Variants in CDS1 observed in about 807,000 individuals in gnomAD.
CDS1 encodes phosphatidate cytidylyltransferase 1.
In CDS1, 41 loss-of-function variants were observed where a neutral mutation model predicts 62.1. That is an observed-to-expected ratio of 0.66 (90% CI 0.51 to 0.86). The LOEUF is 0.86. CDS1 is among the 40% of genes least tolerant of loss of function. The pLI, the probability that CDS1 is intolerant of heterozygous loss-of-function variation, is 0.00. For synonymous variants in CDS1, 185 were observed against 192.6 expected, an observed-to-expected ratio of 0.96 and a Z score of 0.32; for missense variants, 470 against 550.1, an observed-to-expected ratio of 0.85 and a Z score of 1.46.
chr4:84,594,185 C>G (rs1391898251), intron 1 of CDS1, among the ~76,000 whole-genome samples: 3 of 152,036 alleles, frequency 2.0e-5, no homozygotes, highest in African/African-American at 7.2e-5. Flanking sequence ...CCATTTTTCT[C>G]TTGTTTAATT....
chr4:84,634,605 G>A (rs1724120585), intron 7 of CDS1, among the ~76,000 whole-genome samples: 1 of 151,930 alleles, frequency 6.6e-6, no homozygotes, highest in Admixed American at 6.6e-5. Flanking sequence ...AAGATAAATT[G>A]TATTCCCTTG....
intron 6 of CDS1, among the ~76,000 whole-genome samples, chr4:84,632,853 A>G (rs1483996639): frequency 6.6e-6 from 1 of 152,246 alleles, no homozygotes; most frequent in Non-Finnish European, 1.5e-5. Context: ...CCAAGCGCCG[A>G]TGGCTCATGC....
intron 1 of CDS1, among the ~76,000 whole-genome samples, chr4:84,600,716 A>G (rs890010426): frequency 5.3e-5 from 8 of 152,226 alleles, no homozygotes; most frequent in Admixed American, 2.6e-4. Flanking sequence ...AACAGGTAAT[A>G]TAAGTCCTTC....
intron 3 of CDS1, among the ~76,000 whole-genome samples, chr4:84,613,247 G>T (rs373049516): frequency 5.7e-4 from 86 of 152,138 alleles, no homozygotes; most frequent in African/African-American, 2.0e-3. Flanking sequence ...AGGACATGTT[G>T]TATCTAGCTT....
intron 8 of CDS1, among the ~76,000 whole-genome samples, chr4:84,637,291 TATTAGTTC>T (rs1176336209): frequency 2.6e-5 from 4 of 152,124 alleles, no homozygotes; most frequent in Non-Finnish European, 5.9e-5. Context: ...TGGGAAGCTG[TATTAGTTC>T]ATTCTCACAC....
At chr4:84,616,775 T>G (rs1379904262) in intron 3 of CDS1, among the ~76,000 whole-genome samples, 1 of 152,234 alleles carries the variant, frequency 6.6e-6, no homozygotes, top group Non-Finnish European at 1.5e-5. Context: ...TGATGCTACA[T>G]CTTGAGAAAT....
chr4:84,603,130 G>A (rs137875274), intron 1 of CDS1, among the ~76,000 whole-genome samples: 234 of 152,268 alleles, frequency 1.5e-3, no homozygotes, highest in African/African-American at 5.4e-3. Flanking sequence ...TCATTTTAGG[G>A]ATGAAGAAAC....
chr4:84,617,219 C>G (rs1391753131), intron 3 of CDS1, among the ~76,000 whole-genome samples: 1 of 152,142 alleles, frequency 6.6e-6, no homozygotes, highest in Non-Finnish European at 1.5e-5. Flanking sequence ...AAAAGATTCT[C>G]CATCTTGACA....
chr4:84,613,397 T>C (rs1402039846), intron 3 of CDS1, among the ~76,000 whole-genome samples: 1 of 151,894 alleles, frequency 6.6e-6, no homozygotes, highest in Non-Finnish European at 1.5e-5. Flanking sequence ...TTGCTTGAGG[T>C]CAGAAGTTCA....
Position 84,609,525 on chromosome 4 carries a change from T to G in CDS1, c.342T>G (p.Leu114=). 6.4e-7 allele frequency: 1 copy of G among 1,559,592 alleles called. No individual in the cohort carries two copies. The highest frequency in any genetic ancestry group is 8.8e-7 in the Non-Finnish European group (1 of 1,131,752). The stretch of plus-strand genomic sequence containing the variant: ...TGGGATCCTTCATGCTGATGCTTCT[T>G]GTAAGTTTTTGACTTTTCCCTGAGT... The part of the protein sequence containing the change: ...IYMGSFMLML[L]VLGIQVKCFH... Residue 114 remains leucine (L), a splice_region_variant and synonymous_variant, in exon 3 of 13, where the codon CTT becomes CTG. Transcript: ENST00000295887.
chr4:84,617,672 T>G lies in CDS1; in HGVS notation c.440+11T>G. The stretch of plus-strand genomic sequence containing the variant: ...TAGAACACTAAGTTGGTAAGTAAGC[T>G]TGAAACTATTTCAGATATGAAAAGT... On this transcript the variant is annotated intron_variant, in intron 4 of 12. Transcript: ENST00000295887. The G allele has an allele frequency of 7.9e-7, 1 of 1,263,596 alleles. No individual in the cohort carries two copies. 78.3% of individuals were successfully genotyped at this position (1,263,596 alleles called of 1,614,324 possible).
At chr4:84,595,579 G>A (rs1210819608) in intron 1 of CDS1, among the ~76,000 whole-genome samples, 1 of 152,038 alleles carries the variant, frequency 6.6e-6, no homozygotes, top group Non-Finnish European at 1.5e-5. Flanking sequence ...TTAAATTCAC[G>A]AATATGGAAC....
rs888210953 is a variant in CDS1, at chr4:84,648,787, G to A, written c.*101G>A. The A allele has an allele frequency of 7.6e-6, 9 of 1,187,902 alleles. No homozygotes were observed. In the African/African-American group the frequency reaches 7.7e-5, roughly 10 times the overall value. 73.6% of individuals were successfully genotyped at this position (1,187,902 alleles called of 1,614,324 possible). On this transcript the variant is annotated 3_prime_UTR_variant, in exon 13 of 13. Transcript: ENST00000295887. Reference sequence around the variant, plus strand: ...AGAAAAATAGTTAAAAATGCAATAGGTTGAAGTTTTGGAGATATGTTTCTC... The same window carrying A: ...AGAAAAATAGTTAAAAATGCAATAGATTGAAGTTTTGGAGATATGTTTCTC...
In CDS1 at chr4:84,604,368, A is replaced by G. The variant is rs1304815627; in HGVS notation, c.243A>G (p.Ser81=). The G allele has an allele frequency of 1.9e-6, 3 of 1,612,646 alleles. No individual in the cohort carries two copies. Among genetic ancestry groups the G allele is most frequent in the African/African-American group, 1.3e-5 (1 of 74,854 alleles). ...ILKKALSGLS[S]RWKNWWIRGI... ...AAAAAGCTCTATCTGGTTTATCTTC[A>G]AGGTATGATTGGATGAAGATGAGTA... Residue 81 remains serine (S), a splice_region_variant and synonymous_variant, in exon 2 of 13, where the codon TCA becomes TCG. Coordinates refer to ENST00000295887, the MANE Select transcript of CDS1 (RefSeq NM_001263.4).
intron 3 of CDS1, among the ~76,000 whole-genome samples, chr4:84,611,512 A>T (rs534581973): frequency 1.3e-5 from 2 of 152,136 alleles, no homozygotes. Flanking sequence ...TTATTTTATA[A>T]AAGAATAAGT....
chr4:84,607,248 A>T (rs1469805224), intron 2 of CDS1, among the ~76,000 whole-genome samples: 1 of 152,142 alleles, frequency 6.6e-6, no homozygotes, highest in African/African-American at 2.4e-5. Context: ...GGAAGTATTT[A>T]AACTATATTG....
chr4:84,595,619 G>A (rs1464968700), intron 1 of CDS1, among the ~76,000 whole-genome samples: 1 of 152,126 alleles, frequency 6.6e-6, no homozygotes, highest in Non-Finnish European at 1.5e-5. Flanking sequence ...AACCGTACTT[G>A]TTTCTCACTC....
At chr4:84,614,987 TGGTCTGAC>T (rs956681026) in intron 3 of CDS1, among the ~76,000 whole-genome samples, 1 of 152,176 alleles carries the variant, frequency 6.6e-6, no homozygotes, top group Non-Finnish European at 1.5e-5. Flanking sequence ...CAAGTAAAAC[TGGTCTGAC>T]GGTATGGCCA....
At chr4:84,599,949 A>C (rs1354013859) in intron 1 of CDS1, among the ~76,000 whole-genome samples, 3 of 152,162 alleles carry the variant, frequency 2.0e-5, no homozygotes, top group African/African-American at 7.2e-5. Flanking sequence ...ATTTTTAAAA[A>C]AACTGTGATA....
Sources: gnomAD v4.1 joint callset for allele counts (sites outside exome capture counted in the v4.1 genomes callset) on GRCh38, gnomAD v4.1.1 for gene constraint, MANE v1.5 for transcripts, NCBI Gene and HGNC (gene_info 2026-07-23, HGNC 2026-07-21) for gene names.